Variants in STK33 observed in about 807,000 individuals in gnomAD.
The protein encoded by STK33 is serine/threonine kinase 33, also known as serine/threonine-protein kinase 33.
STK33 carries 52 observed loss-of-function variants against 58.0 expected under a neutral mutation model. The ratio of observed to expected loss-of-function variants is 0.90; its 90% CI spans 0.72 to 1.13. STK33 has a LOEUF of 1.13. Among genes scored for constraint, STK33 ranks in the 50% most tolerant of loss-of-function variants. The pLI, the probability that STK33 is intolerant of heterozygous loss-of-function variation, is 0.00. For missense variants in STK33, 630 were observed against 604.2 expected (o/e 1.04, Z -0.45); for synonymous variants, 215 against 200.1 (o/e 1.07, Z -0.63).
chr11:8,557,288 A>AGG (rs1445844769), intron 1 of STK33, among the ~76,000 whole-genome samples: 1 of 106,182 alleles, frequency 9.4e-6, no homozygotes, highest in Non-Finnish European at 2.0e-5. Context: ...AGGGGAGGGG[A>AGG]GGAGAGAAGA....
At chr11:8,471,958 C>T (rs111540114) in intron 6 of STK33, among the ~76,000 whole-genome samples, 3,702 of 152,244 alleles carry the variant, frequency 0.024, 56 homozygotes, top group Non-Finnish European at 0.039. Context: ...CAAGGTCTCA[C>T]TCTGTCGCCC....
the STK33 span, among the ~76,000 whole-genome samples, chr11:8,357,659 C>T: frequency 6.6e-6 from 1 of 152,248 alleles, no homozygotes; most frequent in South Asian, 2.1e-4. Flanking sequence ...CCCCAAGGGT[C>T]CTCCTGCCCT....
chr11:8,413,374 C>G (rs1229615569), intron 15 of STK33, 121 bp downstream of exon 15: 1 of 1,039,054 alleles, frequency 9.6e-7, no homozygotes, highest in African/African-American at 1.6e-5. Flanking sequence ...ACTTTACTTG[C>G]TATATAACGC....
intron 15 of STK33, 135 bp from the exon 16 acceptor site, chr11:8,392,845 T>C (rs1848762018): frequency 2.7e-6 from 2 of 742,248 alleles, no homozygotes; most frequent in Admixed American, 2.9e-5. Context: ...ACTAGTCATA[T>C]TGTAAAATTA....
intron 14 of STK33, among the ~76,000 whole-genome samples, chr11:8,413,959 G>A (rs1475997621): frequency 1.3e-5 from 2 of 152,166 alleles, no homozygotes; most frequent in East Asian, 3.8e-4. Context: ...GCATGCTTGT[G>A]CAAAGAACAC....
intron 1 of STK33, among the ~76,000 whole-genome samples, chr11:8,506,896 T>C (rs562253918): frequency 2.2e-4 from 34 of 152,270 alleles, no homozygotes; most frequent in Non-Finnish European, 2.5e-4. Flanking sequence ...AAATTATCCC[T>C]TTCTCCCCTG....
intron 11 of STK33, among the ~76,000 whole-genome samples, chr11:8,447,205 G>C (rs938882738): frequency 4.6e-5 from 7 of 152,072 alleles, no homozygotes; most frequent in African/African-American, 1.7e-4. Context: ...CATACCAGAG[G>C]TACAAGGAGG....
chr11:8,395,372 C>T (rs1248015240), intron 15 of STK33, among the ~76,000 whole-genome samples: 1 of 152,212 alleles, frequency 6.6e-6, no homozygotes, highest in Non-Finnish European at 1.5e-5. Flanking sequence ...TAAGGCGTAT[C>T]TTTGCTCCTC....
At chr11:8,347,517 C>T in the STK33 span, among the ~76,000 whole-genome samples, 5 of 152,352 alleles carry the variant, frequency 3.3e-5, no homozygotes, top group Admixed American at 2.0e-4. Flanking sequence ...CTCCAGGATC[C>T]GGGCTGAGGA....
chr11:8,396,099 T>C (rs1230699875), intron 15 of STK33, among the ~76,000 whole-genome samples: 1 of 152,196 alleles, frequency 6.6e-6, no homozygotes, highest in Non-Finnish European at 1.5e-5. Context: ...CCTTTCTTTA[T>C]GCAAATATAT....
the STK33 span, among the ~76,000 whole-genome samples, chr11:8,375,069 A>C: frequency 6.6e-6 from 1 of 152,344 alleles, no homozygotes; most frequent in East Asian, 1.9e-4. Flanking sequence ...AAGCCCTCCT[A>C]AACAGTCTGG....
intron 1 of STK33, among the ~76,000 whole-genome samples, chr11:8,484,035 CAA>C (rs1184775084): frequency 6.6e-6 from 1 of 152,140 alleles, no homozygotes; most frequent in Non-Finnish European, 1.5e-5. Context: ...ATTAAAATCT[CAA>C]AAGTCTTCTG....
the STK33 span, among the ~76,000 whole-genome samples, chr11:8,362,460 C>A: frequency 6.6e-6 from 1 of 152,068 alleles, no homozygotes; most frequent in East Asian, 1.9e-4. Context: ...AATCTTGGGG[C>A]TGATCGGGAA....
intron 14 of STK33, among the ~76,000 whole-genome samples, chr11:8,419,168 C>T (rs1941559537): frequency 6.6e-6 from 1 of 152,106 alleles, no homozygotes; most frequent in Non-Finnish European, 1.5e-5. Flanking sequence ...TACCTATGTC[C>T]AGAATGGTGT....
the STK33 span, among the ~76,000 whole-genome samples, chr11:8,367,763 C>T: frequency 6.6e-6 from 1 of 152,194 alleles, no homozygotes; most frequent in Non-Finnish European, 1.5e-5. Flanking sequence ...CCCAAAGGCA[C>T]ATGAGGCTTG....
intron 1 of STK33, among the ~76,000 whole-genome samples, chr11:8,489,272 G>GAAAAAAAAAAAAAAAAAAAAAAA (rs60919146): frequency 1.6e-5 from 2 of 126,556 alleles, no homozygotes; most frequent in East Asian, 2.3e-4. Flanking sequence ...AAAAAAAAAA[G>GAAAAAAAAAAAAAAAAAAAAAAA]AAAAAAAAAA....
chr11:8,537,531 A>G (rs1353272594), intron 1 of STK33, among the ~76,000 whole-genome samples: 1 of 152,122 alleles, frequency 6.6e-6, no homozygotes, highest in Admixed American at 6.5e-5. Context: ...GACTTTTCTC[A>G]ATCAAGTTGA....
At chr11:8,441,936 C>T (rs1944799363) in intron 11 of STK33, among the ~76,000 whole-genome samples, 1 of 151,820 alleles carries the variant, frequency 6.6e-6, no homozygotes, top group Non-Finnish European at 1.5e-5. Flanking sequence ...AGTGACTTGC[C>T]TAATGTTACA....
chr11:8,488,168 G>A (rs1038299076), intron 1 of STK33, among the ~76,000 whole-genome samples: 71 of 152,146 alleles, frequency 4.7e-4, no homozygotes, highest in African/African-American at 1.5e-3. Context: ...CTCAGGGCTT[G>A]CCAGTACAAA....
Sources: gnomAD v4.1 joint callset for allele counts (sites outside exome capture counted in the v4.1 genomes callset) on GRCh38, gnomAD v4.1.1 for gene constraint, MANE v1.5 for transcripts, NCBI Gene and HGNC (gene_info 2026-07-23, HGNC 2026-07-21) for gene names.